PLEKHA5: variants seen among roughly 807,000 people sequenced by gnomAD.
The protein encoded by PLEKHA5 is pleckstrin homology domain containing A5.
PLEKHA5 carries 55 observed loss-of-function variants against 181.9 expected under a neutral mutation model. The ratio of observed to expected loss-of-function variants is 0.30; its 90% CI spans 0.24 to 0.38. PLEKHA5 has a LOEUF of 0.38. Ranked by LOEUF, PLEKHA5 falls within the 10% of genes least tolerant of loss-of-function variation. The probability of loss-of-function intolerance (pLI) is 1.00; values close to 1 mark genes in which losing one functional copy is unlikely to be tolerated. For missense variants in PLEKHA5, 1,432 were observed against 1,549.5 expected (o/e 0.92, Z 1.27); for synonymous variants, 535 against 529.4 (o/e 1.01, Z -0.15).
rs373064889 is a variant in PLEKHA5, at chr12:19,264,595, C to T, written c.611-1155C>T. ...ATCTGTACTTCCGTTCATCCTTTTA[C>T]GCATTAACGAATCGTACCTGAATGA... is the stretch of plus-strand genomic sequence containing the variant. On this transcript the variant is annotated intron_variant, in intron 7 of 31. Transcript: ENST00000429027. Among the ~76,000 whole-genome samples the T allele has an allele frequency of 7.2e-5, 11 of 152,236 alleles. No individual in the cohort carries two copies. The East Asian group carries it at 1.5e-3, about 21-fold the overall frequency.
chr12:19,205,840 C>CT (rs1592060728), intron 3 of PLEKHA5, among the ~76,000 whole-genome samples: 3 of 151,854 alleles, frequency 2.0e-5, no homozygotes, highest in African/African-American at 7.3e-5. Flanking sequence ...ATTGTATCTA[C>CT]CAAAGTAATA....
chr12:19,139,021 T>C (rs1034394211), intron 3 of PLEKHA5, among the ~76,000 whole-genome samples: 1 of 152,024 alleles, frequency 6.6e-6, no homozygotes, highest in Non-Finnish European at 1.5e-5. Flanking sequence ...AGGAGCAAAG[T>C]GGGAATCAAG....
intron 25 of PLEKHA5, among the ~76,000 whole-genome samples, chr12:19,353,264 C>T (rs1300848755): frequency 1.3e-5 from 2 of 152,132 alleles, no homozygotes; most frequent in Non-Finnish European, 2.9e-5. Flanking sequence ...AGCGATTCTC[C>T]TGCCTCAGCT....
At chr12:19,270,556 TA>T (rs2072339794) in intron 10 of PLEKHA5, among the ~76,000 whole-genome samples, 1 of 152,178 alleles carries the variant, frequency 6.6e-6, no homozygotes, top group Non-Finnish European at 1.5e-5. Context: ...TAAGTGCTGT[TA>T]AAATTGACCC....
chr12:19,211,427 A>G (rs894923769), intron 3 of PLEKHA5, among the ~76,000 whole-genome samples: 2 of 152,048 alleles, frequency 1.3e-5, no homozygotes, highest in African/African-American at 4.8e-5. Context: ...AATTTCAGAG[A>G]GCAGCGTGAC....
chr12:19,250,356 G>A (rs1050092325), intron 3 of PLEKHA5, among the ~76,000 whole-genome samples: 2 of 152,156 alleles, frequency 1.3e-5, no homozygotes, highest in Non-Finnish European at 2.9e-5. Context: ...AGGCCAAGGC[G>A]GGTGGATCGC....
At chr12:19,142,178 A>G (rs1414269465) in intron 3 of PLEKHA5, among the ~76,000 whole-genome samples, 1 of 151,680 alleles carries the variant, frequency 6.6e-6, no homozygotes, top group East Asian at 1.9e-4. Flanking sequence ...TACACAACAT[A>G]GTGTGACCCC....
chr12:19,340,313 T>C (rs1005103130), intron 21 of PLEKHA5, among the ~76,000 whole-genome samples: 4 of 151,864 alleles, frequency 2.6e-5, no homozygotes, highest in African/African-American at 9.7e-5. Context: ...TCAAAGTTAC[T>C]GGGAAGAGAG....
intron 3 of PLEKHA5, among the ~76,000 whole-genome samples, chr12:19,169,766 G>C (rs1472997463): frequency 6.6e-6 from 1 of 152,138 alleles, no homozygotes; most frequent in African/African-American, 2.4e-5. Flanking sequence ...GTAAAAACCA[G>C]GTCAAGATTT....
intron 15 of PLEKHA5, among the ~76,000 whole-genome samples, chr12:19,314,299 A>G (rs928525089): frequency 6.6e-6 from 1 of 152,184 alleles, no homozygotes; most frequent in Non-Finnish European, 1.5e-5. Context: ...TAGAGTCTCT[A>G]TAAATGTCAA....
chr12:19,286,795 G>A (rs1157448954), intron 12 of PLEKHA5, among the ~76,000 whole-genome samples: 1 of 151,500 alleles, frequency 6.6e-6, no homozygotes, highest in Non-Finnish European at 1.5e-5. Flanking sequence ...GTGAAACCCC[G>A]TCTCTACTAA....
chr12:19,322,803 T>C (rs2091197193), intron 20 of PLEKHA5, 136 bp downstream of exon 20: 2 of 606,164 alleles, frequency 3.3e-6, no homozygotes, highest in Admixed American at 3.1e-5. Flanking sequence ...TTGTTATTAG[T>C]GTGCTTCTGT....
chr12:19,250,795 G>T (rs10505840), intron 3 of PLEKHA5, among the ~76,000 whole-genome samples: 8,952 of 152,062 alleles, frequency 0.059, 319 homozygotes, highest in South Asian at 0.11. Flanking sequence ...TGATATGTTA[G>T]TTTGTAATTT....
chr12:19,265,595 T>C (rs1483458848), intron 7 of PLEKHA5, among the ~76,000 whole-genome samples, 155 bp from the exon 8 acceptor site: 6 of 152,194 alleles, frequency 3.9e-5, no homozygotes, highest in Non-Finnish European at 5.9e-5. Context: ...TTGTGCTATT[T>C]GATATTTTCA....
intron 4 of PLEKHA5, 104 bp downstream of exon 4, chr12:19,254,127 TAGTCA>T: frequency 1.4e-6 from 1 of 721,268 alleles, no homozygotes; most frequent in South Asian, 1.7e-5. Flanking sequence ...TGGACATTTG[TAGTCA>T]AGTATAATAA....
Position 19,299,382 on chromosome 12 carries a change from T to A in PLEKHA5, c.2037+7685T>A, listed in dbSNP as rs545071925. Among the ~76,000 whole-genome samples the A allele has an allele frequency of 2.0e-5, 3 of 152,244 alleles. No homozygotes were observed. In the South Asian group the frequency reaches 6.2e-4, roughly 31 times the overall value. ...AGGCTACCATAACACCTTATGTATA[T>A]GAGATCCCTCATTACCATTTAGTCA... On this transcript the variant is annotated intron_variant, in intron 15 of 31. Coordinates refer to ENST00000429027, the MANE Select transcript of PLEKHA5 (RefSeq NM_001256470.2).
chr12:19,367,459 T>C (rs1296029117), intron 30 of PLEKHA5, among the ~76,000 whole-genome samples: 2 of 151,418 alleles, frequency 1.3e-5, no homozygotes, highest in East Asian at 3.9e-4. Flanking sequence ...CTCGCCATGT[T>C]GGCCAGGCTG....
At chr12:19,366,631 T>C (rs535501171) in intron 30 of PLEKHA5, among the ~76,000 whole-genome samples, 2 of 152,130 alleles carry the variant, frequency 1.3e-5, no homozygotes, top group East Asian at 3.9e-4. Context: ...CCAGCCTGGG[T>C]GACAGAGCGA....
chr12:19,295,329 A>G (rs2079485705), intron 15 of PLEKHA5, among the ~76,000 whole-genome samples: 1 of 152,192 alleles, frequency 6.6e-6, no homozygotes. Context: ...AACATTTATT[A>G]GCTTTTTCCA....
Sources: allele counts gnomAD v4.1 joint callset (sites outside exome capture counted in the v4.1 genomes callset), GRCh38; gene constraint gnomAD v4.1.1; transcripts MANE v1.5; gene names NCBI Gene and HGNC (gene_info 2026-07-23, HGNC 2026-07-21).